Variants in PCNX3 observed in about 807,000 individuals in gnomAD.
The protein encoded by PCNX3 is pecanex-like protein 3.
In PCNX3, 58 loss-of-function variants were observed where a neutral mutation model predicts 207.2. The observed-to-expected ratio is 0.28, with a 90% CI of 0.23 to 0.35. The LOEUF (loss-of-function observed/expected upper bound fraction) is 0.35. Ranked by LOEUF, PCNX3 falls within the 10% of genes least tolerant of loss-of-function variation. PCNX3 has a pLI of 1.00. For synonymous variants in PCNX3, 1,337 were observed against 1,183.5 expected (o/e 1.13, Z -2.66); for missense variants, 2,410 against 2,774.4 (o/e 0.87, Z 2.95).
intron 10 of PCNX3, among the ~76,000 whole-genome samples, chr11:65,621,242 G>A (rs1384169380): frequency 1.3e-5 from 2 of 152,212 alleles, no homozygotes; most frequent in Non-Finnish European, 2.9e-5. Flanking sequence ...GGGGCCATGG[G>A]TGTTAATGAT....
intron 10 of PCNX3, 41 bp from the exon 11 acceptor site, chr11:65,622,204 A>G: frequency 6.3e-7 from 1 of 1,583,160 alleles, no homozygotes; most frequent in East Asian, 2.3e-5. Flanking sequence ...TGGGGACTGC[A>G]GTTTGACCTG....
intron 2 of PCNX3, 44 bp downstream of exon 2, chr11:65,617,055 G>T (rs373765512): frequency 3.9e-6 from 6 of 1,542,474 alleles, no homozygotes; most frequent in East Asian, 2.4e-5. Context: ...GGTTTTTGGT[G>T]CCTGGGCCGG....
At position 65,617,200 on chromosome 11, in the gene PCNX3, A is replaced by G. The variant is rs1315195113; in HGVS notation, c.342-50A>G. On this transcript the variant is annotated intron_variant, in intron 2 of 34. Transcript: ENST00000355703. ...AGTGACAAAGATGGGAGGAAGTAGC[A>G]TACACAGAGGAGAGGTTAGCTCAAA... The G allele has an allele frequency of 4.0e-6, 6 of 1,516,064 alleles. No homozygotes were observed. The East Asian group carries it at 7.3e-5, about 18-fold the overall frequency. The allele number at this position is 1,516,064 out of a possible 1,614,324, so 93.9% of individuals were successfully genotyped here.
In PCNX3 at chr11:65,636,643, G is replaced by C. The variant is rs770925001; in HGVS notation, c.5846G>C (p.Gly1949Ala). 2 of 1,585,856 alleles carry C rather than the reference G, an allele frequency of 1.3e-6. No individual in the cohort carries two copies. The highest frequency in any genetic ancestry group is 2.3e-5 in the South Asian group (2 of 87,466). Residue 1949 changes from glycine to alanine, a missense_variant, in exon 34 of 35, where the codon GGG (glycine) becomes GCG (alanine). Around this residue, in one of 8 missense-constraint regions of PCNX3, gnomAD observed 278 missense variants for 245.1 expected, o/e 1.13. Transcript: ENST00000355703. Reference sequence around the variant, plus strand: ...CGGAAGGGGCTGGGAGGATCTGACGGGGAGCCAGCCTCAGGGAGCCCCAAA... The same window carrying C: ...CGGAAGGGGCTGGGAGGATCTGACGCGGAGCCAGCCTCAGGGAGCCCCAAA... Reference protein sequence around the residue: ...GGRKGLGGSDGEPASGSPKGG... With the variant: ...GGRKGLGGSDAEPASGSPKGG...
intron 27 of PCNX3, 50 bp from the exon 28 acceptor site, chr11:65,634,076 C>T (rs1396185376): frequency 1.3e-6 from 2 of 1,517,686 alleles, no homozygotes; most frequent in Non-Finnish European, 9.0e-7. Context: ...CTTTCTCCTC[C>T]AGTGGCCAGG....
rs753703666 is a variant in PCNX3, at chr11:65,636,233, G to A, written c.5519G>A (p.Cys1840Tyr). The A allele has an allele frequency of 3.8e-6, 6 of 1,583,430 alleles. No homozygotes were observed. Among genetic ancestry groups the A allele is most frequent in the Non-Finnish European group, 5.2e-6 (6 of 1,164,578 alleles). Reference sequence around the variant, plus strand: ...GGCGGGAACGTGGATGATTCAGACTGTAGTGGGGGCGGTGGCCTGACCTCC... The same window carrying A: ...GGCGGGAACGTGGATGATTCAGACTATAGTGGGGGCGGTGGCCTGACCTCC... The part of the protein sequence containing the change: ...NSGGNVDDSD[C>Y]SGGGGLTSLS... The change falls in exon 33 of 35, where the codon TGT becomes TAT. Residue 1840 changes from cysteine to tyrosine, a missense_variant. Around this residue, in one of 8 missense-constraint regions of PCNX3, gnomAD observed 59 missense variants for 83.9 expected, o/e 0.70. Coordinates refer to ENST00000355703, the MANE Select transcript of PCNX3 (RefSeq NM_032223.4).
intron 27 of PCNX3, among the ~76,000 whole-genome samples, chr11:65,633,481 C>T (rs751476955): frequency 1.3e-5 from 2 of 152,342 alleles, no homozygotes; most frequent in South Asian, 2.1e-4. Context: ...CCCACAATGT[C>T]ATGATGGGGA....
At chr11:65,626,839 A>T (rs1855416228) in intron 20 of PCNX3, 65 bp from the exon 21 acceptor site, 2 of 1,550,740 alleles carry the variant, frequency 1.3e-6, no homozygotes, top group Non-Finnish European at 1.7e-6. Context: ...CCTCCTAGGG[A>T]AGGACTTCCT....
At position 65,623,586 on chromosome 11, in the gene PCNX3, A is replaced by G; in HGVS notation, c.2453A>G (p.Asp818Gly). The G allele has an allele frequency of 6.2e-7, 1 of 1,613,934 alleles. No homozygotes were observed. The highest frequency in any genetic ancestry group is 8.5e-7 in the Non-Finnish European group (1 of 1,179,856). The change falls in exon 12 of 35, where the codon GAC becomes GGC. Residue 818 changes from aspartate to glycine, a missense_variant. By Grantham distance (94) the Asp-to-Gly change is moderately conservative. Coordinates refer to ENST00000355703, the MANE Select transcript of PCNX3 (RefSeq NM_032223.4). ...CTGCTGCTCAAGGGCTTCTTCACTGACATCTGGGTCTTCCAGTTCTGCCTG... is the reference window on the plus strand; with the variant it reads ...CTGCTGCTCAAGGGCTTCTTCACTGGCATCTGGGTCTTCCAGTTCTGCCTG... ...YLLLLKGFFT[D>G]IWVFQFCLVI... is the part of the protein sequence containing the mutation.
Position 65,619,911 on chromosome 11 carries a change from C to T in PCNX3, c.1987C>T (p.His663Tyr). The T allele has an allele frequency of 6.2e-7, 1 of 1,608,658 alleles. No homozygotes were observed. Among genetic ancestry groups the T allele is most frequent in the Non-Finnish European group, 8.5e-7 (1 of 1,177,330 alleles). ...TFDDTSEGAVHYFYDESGVRR... is the reference protein window; with the variant it reads ...TFDDTSEGAVYYFYDESGVRR... ...TGATGACACTTCTGAGGGTGCTGTG[C>T]ACTATTTCTACGATGAGAGCGGTGA... Residue 663 changes from histidine to tyrosine, a missense_variant, in exon 8 of 35, where the codon CAC becomes TAC. Around this residue, in one of 8 missense-constraint regions of PCNX3, gnomAD observed 1,104 missense variants for 970.3 expected, o/e 1.14. Transcript: ENST00000355703.
rs373871960 is a variant in PCNX3 at position 65,617,300 on chromosome 11, C to T, written c.392C>T (p.Pro131Leu). 5 of 1,611,706 alleles carry T rather than the reference C, an allele frequency of 3.1e-6. No homozygotes were observed. The highest frequency in any genetic ancestry group is 1.3e-5 in the African/African-American group (1 of 74,802). ...TVFRKVSSTP[P>L]VRCSSQHSVF... ...TTCCGGAAAGTCAGTTCCACACCCC[C>T]GGTGCGCTGCAGCTCCCAGCACTCT... The change falls in exon 3 of 35, where the codon CCG (proline) becomes CTG (leucine). Residue 131 changes from proline to leucine, a missense_variant. Pro to Leu is a moderately conservative substitution (Grantham distance 98). Transcript: ENST00000355703.
chr11:65,622,499 C>T (rs2135428072), intron 11 of PCNX3, 133 bp downstream of exon 11: 1 of 1,187,472 alleles, frequency 8.4e-7, no homozygotes, highest in Non-Finnish European at 1.1e-6. Flanking sequence ...CTGTCGTTGG[C>T]TGGAGTCTGC....
chr11:65,617,385 C>G, intron 3 of PCNX3, 36 bp downstream of exon 3: 1 of 1,613,146 alleles, frequency 6.2e-7, no homozygotes, highest in South Asian at 1.1e-5. Context: ...TCCTCCTGTC[C>G]CTCTGCGAGC....
rs1855575718 is a variant in PCNX3, at chr11:65,630,523, C to T, written c.4389C>T (p.Gly1463=). The T allele has an allele frequency of 6.2e-7, 1 of 1,613,486 alleles. No individual in the cohort carries two copies. Among genetic ancestry groups the T allele is most frequent in the South Asian group, 1.1e-5 (1 of 91,088 alleles). The change falls in exon 27 of 35, where the codon GGC becomes GGT. Residue 1463 remains glycine (G), a synonymous_variant. Transcript: ENST00000355703. ...EVTASKYVLE[G]YSISDNNAAS... is the part of the protein sequence containing the mutation. ...CAGCCAGCAAGTACGTGCTGGAGGGCTATAGCATTAGTGACAATAATGCTG... is the reference window on the plus strand; with the variant it reads ...CAGCCAGCAAGTACGTGCTGGAGGGTTATAGCATTAGTGACAATAATGCTG...
At chr11:65,621,377 T>C (rs544507314) in intron 10 of PCNX3, among the ~76,000 whole-genome samples, 1 of 152,360 alleles carries the variant, frequency 6.6e-6, no homozygotes, top group African/African-American at 2.4e-5. Flanking sequence ...TGTCTCAGTA[T>C]ACTCATTACC....
rs772033257 is a variant in PCNX3, at chr11:65,618,294, G to A, written c.932G>A (p.Ser311Asn). 67 of 1,610,072 alleles carry A rather than the reference G, an allele frequency of 4.2e-5. No homozygotes were observed. Among genetic ancestry groups the A allele is most frequent in the Non-Finnish European group, 5.6e-5 (66 of 1,178,048 alleles). The change falls in exon 6 of 35, where the codon AGC becomes AAC. Residue 311 changes from serine (S) to asparagine (N), a missense_variant. Physicochemically the swap from Ser to Asn is conservative, Grantham distance 46. Around this residue, in one of 8 missense-constraint regions of PCNX3, gnomAD observed 1,104 missense variants for 970.3 expected, o/e 1.14. Transcript: ENST00000355703. ...AGCGGCACTGACAGGGAGACATTGA[G>A]CAGCTTCAAGAGTGAGAAGACCAAC... is the stretch of plus-strand genomic sequence containing the variant. ...CFSGTDRETL[S>N]SFKSEKTNST... is the part of the protein sequence containing the mutation.
At position 65,629,627 on chromosome 11, in the gene PCNX3, C is replaced by T. The variant is rs1240831791; in HGVS notation, c.4108C>T (p.Pro1370Ser). The T allele has an allele frequency of 3.7e-6, 6 of 1,608,630 alleles. No individual in the cohort carries two copies. The highest frequency in any genetic ancestry group is 1.7e-5 in the Admixed American group (1 of 59,110). Residue 1370 changes from proline (P) to serine (S), a missense_variant, in exon 26 of 35, where the codon CCT (proline) becomes TCT (serine). By Grantham distance (74) the Pro-to-Ser change is moderately conservative. This residue lies in a region of PCNX3 where 420 missense variants were observed against 705.3 expected (regional missense o/e 0.60). Transcript: ENST00000355703. ...GCTGGGCCGCTGGGGCAACTATGGCCCTGGTGACTGCTTCGTCCTGGCCTC... is the reference window on the plus strand; with the variant it reads ...GCTGGGCCGCTGGGGCAACTATGGCTCTGGTGACTGCTTCGTCCTGGCCTC... The part of the protein sequence containing the change: ...LVLGRWGNYG[P>S]GDCFVLASDY...
At chr11:65,634,878 A>G (rs1855764028) in intron 29 of PCNX3, 95 bp from the exon 30 acceptor site, 3 of 1,462,174 alleles carry the variant, frequency 2.1e-6, no homozygotes, top group African/African-American at 1.4e-5. Context: ...ACTGAGGCTC[A>G]GCGTGAGGAA....
At chr11:65,622,937 T>C (rs1471298795) in intron 11 of PCNX3, among the ~76,000 whole-genome samples, 1 of 152,166 alleles carries the variant, frequency 6.6e-6, no homozygotes, top group Non-Finnish European at 1.5e-5. Flanking sequence ...CTTCTGTTGA[T>C]TTGAAAATCG....
Sources: gnomAD v4.1 joint callset for allele counts (sites outside exome capture counted in the v4.1 genomes callset) on GRCh38, gnomAD v4.1.1 for gene constraint, gnomAD v4.1.1 regional missense constraint, MANE v1.5 for transcripts, NCBI Gene and HGNC (gene_info 2026-07-23, HGNC 2026-07-21) for gene names.